AGBL4: variants seen among roughly 807,000 people sequenced by gnomAD.
AGBL4 encodes the protein cytosolic carboxypeptidase 6.
Under a neutral mutation model 66.4 loss-of-function variants are expected in AGBL4, and 58 were observed. That is an observed-to-expected ratio of 0.87 (90% CI 0.71 to 1.09). AGBL4 has a LOEUF of 1.09. Ranked by LOEUF, AGBL4 falls within the 50% of genes least tolerant of loss-of-function variation. The pLI is 0.00. For missense variants in AGBL4, 579 were observed against 631.0 expected, an observed-to-expected ratio of 0.92 and a Z score of 0.88; for synonymous variants, 234 against 222.9, an observed-to-expected ratio of 1.05 and a Z score of -0.44.
At chr1:48,655,682 A>G (rs1646008933) in intron 7 of AGBL4, among the ~76,000 whole-genome samples, 1 of 152,202 alleles carries the variant, frequency 6.6e-6, no homozygotes, top group African/African-American at 2.4e-5. Flanking sequence ...GTTGAAAGGC[A>G]GTGGGTAGTT....
intron 6 of AGBL4, among the ~76,000 whole-genome samples, chr1:48,695,106 T>C (rs1483750857): frequency 2.0e-5 from 3 of 152,186 alleles, no homozygotes; most frequent in Non-Finnish European, 2.9e-5. Flanking sequence ...TCAGAGAATA[T>C]AGGACTCTGT....
chr1:48,711,018 G>C (rs894788761), intron 6 of AGBL4, among the ~76,000 whole-genome samples: 23 of 152,236 alleles, frequency 1.5e-4, no homozygotes, highest in African/African-American at 4.8e-4. Context: ...CTCACTCCTG[G>C]CACTGTGCAT....
At chr1:48,766,729 A>G (rs1400640870) in intron 6 of AGBL4, among the ~76,000 whole-genome samples, 1 of 152,154 alleles carries the variant, frequency 6.6e-6, no homozygotes, top group Non-Finnish European at 1.5e-5. Flanking sequence ...GGCTCCTCTG[A>G]GAGTTAACCA....
chr1:49,219,937 A>G (rs1266929890), intron 4 of AGBL4, among the ~76,000 whole-genome samples: 3 of 152,196 alleles, frequency 2.0e-5, no homozygotes, highest in Non-Finnish European at 4.4e-5. Flanking sequence ...CTCATAATCT[A>G]AGGGTAGCTT....
chr1:49,258,432 T>C (rs1652757573), intron 3 of AGBL4, among the ~76,000 whole-genome samples: 1 of 152,038 alleles, frequency 6.6e-6, no homozygotes, highest in Admixed American at 6.6e-5. Flanking sequence ...AATGTATAAC[T>C]AGAATAACCA....
At chr1:49,511,607 AAAAAAAATTTTTTTTT>A (rs1186609080) in intron 3 of AGBL4, among the ~76,000 whole-genome samples, 9 of 151,706 alleles carry the variant, frequency 5.9e-5, no homozygotes, top group Admixed American at 3.9e-4. Flanking sequence ...AAGTATAATT[AAAAAAAATTTTTTTTT>A]AAAAAAATTG....
intron 4 of AGBL4, among the ~76,000 whole-genome samples, chr1:49,157,247 C>G (rs1182607213): frequency 6.6e-6 from 1 of 151,684 alleles, no homozygotes; most frequent in Admixed American, 6.6e-5. Context: ...CCCCCACCCC[C>G]CAGAAGGCCC....
chr1:49,390,635 A>G (rs1169253289), intron 3 of AGBL4, among the ~76,000 whole-genome samples: 1 of 152,218 alleles, frequency 6.6e-6, no homozygotes, highest in East Asian at 1.9e-4. Context: ...TAAGATACAC[A>G]GTACAGGAAG....
intron 4 of AGBL4, among the ~76,000 whole-genome samples, chr1:49,231,738 T>C (rs889352747): frequency 6.6e-6 from 1 of 152,190 alleles, no homozygotes; most frequent in African/African-American, 2.4e-5. Flanking sequence ...TAACTTATGA[T>C]GGTTTTACTT....
chr1:49,774,031 A>T lies in AGBL4; in HGVS notation c.158-76594T>A, dbSNP rs576338065. Among the ~76,000 whole-genome samples, 14 of 152,336 alleles carry T rather than the reference A, an allele frequency of 9.2e-5. No individual in the cohort carries two copies. In the South Asian group the frequency reaches 2.5e-3, roughly 27 times the overall value. On this transcript the variant is annotated intron_variant, in intron 2 of 13. Transcript: ENST00000371839. ...GAATGGTTTAGTGGCTACTGGCCTCAAAGCAGGACACACTCCAGATGTAGG... is the reference window on the plus strand; with the variant it reads ...GAATGGTTTAGTGGCTACTGGCCTCTAAGCAGGACACACTCCAGATGTAGG...
chr1:50,002,529 C>G (rs950454810), intron 1 of AGBL4, among the ~76,000 whole-genome samples: 3 of 151,302 alleles, frequency 2.0e-5, no homozygotes, highest in African/African-American at 7.3e-5. Flanking sequence ...GCCACCACGC[C>G]CGGCTAATTT....
intron 5 of AGBL4, among the ~76,000 whole-genome samples, chr1:49,011,740 A>G (rs1403036465): frequency 6.6e-6 from 1 of 152,080 alleles, no homozygotes; most frequent in Non-Finnish European, 1.5e-5. Flanking sequence ...AGGGACATGG[A>G]TGAAAATGGA....
chr1:49,944,714 C>A (rs1655060162), intron 1 of AGBL4, among the ~76,000 whole-genome samples: 1 of 151,844 alleles, frequency 6.6e-6, no homozygotes, highest in African/African-American at 2.4e-5. Context: ...AAAGACATCC[C>A]TGATTTACCT....
intron 3 of AGBL4, among the ~76,000 whole-genome samples, chr1:49,615,656 T>A (rs1192655732): frequency 2.0e-5 from 3 of 151,742 alleles, no homozygotes; most frequent in African/African-American, 7.3e-5. Flanking sequence ...GATAAAAGAG[T>A]CATAGCCGAA....
chr1:49,929,541 A>G (rs2148260197), intron 1 of AGBL4, among the ~76,000 whole-genome samples: 1 of 152,256 alleles, frequency 6.6e-6, no homozygotes, highest in South Asian at 2.1e-4. Context: ...TTTAAAGTAC[A>G]TTTCAATAAG....
chr1:49,434,552 G>A (rs986048408), intron 3 of AGBL4, among the ~76,000 whole-genome samples: 1 of 152,108 alleles, frequency 6.6e-6, no homozygotes, highest in Non-Finnish European at 1.5e-5. Context: ...AACATGAAAG[G>A]TTATTCATGT....
intron 3 of AGBL4, among the ~76,000 whole-genome samples, chr1:49,386,186 A>T (rs1212459001): frequency 6.6e-6 from 1 of 151,996 alleles, no homozygotes; most frequent in Non-Finnish European, 1.5e-5. Context: ...AGAAGAAAAA[A>T]TACTAAATGT....
At chr1:49,641,698 C>A (rs1311890954) in intron 3 of AGBL4, among the ~76,000 whole-genome samples, 1 of 151,924 alleles carries the variant, frequency 6.6e-6, no homozygotes, top group Non-Finnish European at 1.5e-5. Context: ...CTTATCTTGC[C>A]ACTGCCTAAT....
At chr1:49,131,550 G>A (rs1021410198) in intron 4 of AGBL4, among the ~76,000 whole-genome samples, 1 of 152,038 alleles carries the variant, frequency 6.6e-6, no homozygotes, top group African/African-American at 2.4e-5. Flanking sequence ...CAAATTAGGG[G>A]CTTAGGAAGA....
Sources: allele counts gnomAD v4.1 joint callset (sites outside exome capture counted in the v4.1 genomes callset), GRCh38; gene constraint gnomAD v4.1.1; transcripts MANE v1.5; gene names NCBI Gene and HGNC (gene_info 2026-07-23, HGNC 2026-07-21).